Variants in POLE observed in about 807,000 individuals in gnomAD.
The protein encoded by POLE is DNA polymerase epsilon, catalytic subunit, also known as DNA polymerase epsilon catalytic subunit A.
POLE carries 188 observed loss-of-function variants against 279.2 expected under a neutral mutation model. The ratio of observed to expected loss-of-function variants is 0.67; its 90% CI spans 0.60 to 0.76. The LOEUF (loss-of-function observed/expected upper bound fraction) is 0.76, where lower values mean the gene tolerates loss of function less well. Ranked by LOEUF, POLE falls within the 30% of genes least tolerant of loss-of-function variation. The pLI is 0.00. For synonymous variants in POLE, 1,214 were observed against 1,172.5 expected (o/e 1.04, Z -0.72); for missense variants, 2,703 against 3,016.7 (o/e 0.90, Z 2.44).
intron 1 of POLE, among the ~76,000 whole-genome samples, 158 bp from the exon 2 acceptor site, chr12:132,681,437 G>A (rs2043167027): frequency 1.3e-5 from 2 of 151,186 alleles, no homozygotes; most frequent in Admixed American, 6.6e-5. Flanking sequence ...TCCGCCTCCC[G>A]GGTTCACGCC....
Position 132,673,182 on chromosome 12 carries a change from A to C in POLE, c.1455T>G (p.Ile485Met), listed in dbSNP as rs878854843. 1 of 1,608,702 alleles carries C rather than the reference A, an allele frequency of 6.2e-7. No homozygotes were observed. Among genetic ancestry groups the C allele is most frequent in the Non-Finnish European group, 8.5e-7 (1 of 1,175,002 alleles). Residue 485 changes from isoleucine to methionine, a missense_variant, in exon 14 of 49, where the codon ATT becomes ATG. By Grantham distance (10) the Ile-to-Met change is conservative. Transcript: ENST00000320574. The stretch of plus-strand genomic sequence containing the variant: ...TGCTCACCTCGTCGGGCTCCATGGG[A>C]ATAATGGTGCACAGAGCAAAGATGA... Reference protein sequence around the residue: ...HPFIFALCTIIPMEPDEVLRK... With the variant: ...HPFIFALCTIMPMEPDEVLRK...
intron 29 of POLE, among the ~76,000 whole-genome samples, chr12:132,652,314 CTTT>C (rs11449205): frequency 1.9e-4 from 21 of 111,164 alleles, no homozygotes; most frequent in East Asian, 1.4e-3. Context: ...TTGTAGTTTC[CTTT>C]TTTTTTTTTT....
chr12:132,642,578 T>G lies in POLE; in HGVS notation c.4880A>C (p.His1627Pro), dbSNP rs1274894982. Residue 1627 changes from histidine to proline, a missense_variant, in exon 37 of 49, where the codon CAT becomes CCT. By Grantham distance (77) the His-to-Pro change is moderately conservative. Transcript: ENST00000320574. ...INYGVLDWQR[H>P]GARRMIRHYL... ...GTGACGGATCATGCGCCGGGCTCCA[T>G]GGCGCTGCCAGTCCAGGACCCCATA... The G allele has an allele frequency of 6.2e-7, 1 of 1,613,500 alleles. No individual in the cohort carries two copies. The highest frequency in any genetic ancestry group is 1.3e-5 in the African/African-American group (1 of 75,028).
At position 132,634,290 on chromosome 12, in the gene POLE, G is replaced by C. The variant is rs201273415; in HGVS notation, c.5900C>G (p.Ala1967Gly). 1 of 1,614,082 alleles carries C rather than the reference G, an allele frequency of 6.2e-7. No homozygotes were observed. Among genetic ancestry groups the C allele is most frequent in the Non-Finnish European group, 8.5e-7 (1 of 1,179,946 alleles). Residue 1967 changes from alanine to glycine, a missense_variant, in exon 43 of 49, where the codon GCG becomes GGG. Ala to Gly is a moderately conservative substitution (Grantham distance 60, BLOSUM62 0). This residue lies in a region of POLE where 1,551 missense variants were observed against 1,686.1 expected (regional missense o/e 0.92). Transcript: ENST00000320574. The surrounding 1 kb of genome is among the most constrained non-coding windows in gnomAD (Gnocchi z 4.0). ...TAAATCCTCCACGTTGGATTCCTCC[G>C]CCTCTTCCTCCTCCTCCCCATCTCT... The part of the protein sequence containing the change: ...EERDGEEEEE[A>G]EESNVEDLLE...
chr12:132,642,101 A>G (rs1593728966), intron 38 of POLE, 76 bp downstream of exon 38: 4 of 1,290,422 alleles, frequency 3.1e-6, no homozygotes, highest in East Asian at 4.7e-5. Context: ...CCTCGGCACT[A>G]TTGCCTTGAG....
intron 16 of POLE, among the ~76,000 whole-genome samples, chr12:132,669,792 G>A (rs146427958): frequency 7.6e-4 from 115 of 152,312 alleles, no homozygotes; most frequent in African/African-American, 2.4e-3. Context: ...ACGTGGCTGT[G>A]AGCCCCTGCT....
At chr12:132,679,912 C>A in intron 5 of POLE, 42 bp downstream of exon 5, 1 of 1,402,800 alleles carries the variant, frequency 7.1e-7, no homozygotes, top group Admixed American at 1.8e-5. Flanking sequence ...ACAATGTAGA[C>A]TCTGGCCTCA....
chr12:132,685,249 A>C (rs1049926737), intron 1 of POLE, among the ~76,000 whole-genome samples: 1 of 151,368 alleles, frequency 6.6e-6, no homozygotes, highest in Non-Finnish European at 1.5e-5. Flanking sequence ...AGTACTACAC[A>C]CAGGCTCTCA....
chr12:132,679,429 T>C (rs992175378), intron 6 of POLE, 68 bp downstream of exon 6: 1 of 1,477,094 alleles, frequency 6.8e-7, no homozygotes. Context: ...TGTTGCTACG[T>C]GTTCCTGTCT....
chr12:132,625,951 G>A (rs1448540777), intron 46 of POLE, 166 bp downstream of exon 46: 21 of 1,102,708 alleles, frequency 1.9e-5, no homozygotes, highest in Middle Eastern at 3.0e-4. Context: ...ACAACATTCC[G>A]AACATGGTGT....
At chr12:132,630,044 A>G (rs138281555) in intron 45 of POLE, among the ~76,000 whole-genome samples, 1 of 152,214 alleles carries the variant, frequency 6.6e-6, no homozygotes, top group African/African-American at 2.4e-5. Flanking sequence ...GAGTGGAGCA[A>G]TCAGGACACA....
At chr12:132,658,235 T>A in intron 26 of POLE, 1 of 408,026 alleles carries the variant, frequency 2.5e-6, no homozygotes, top group South Asian at 2.5e-5. Context: ...TGCATATACA[T>A]AAACACATGC....
At chr12:132,652,071 T>C (rs1436008059) in intron 29 of POLE, among the ~76,000 whole-genome samples, 2 of 152,240 alleles carry the variant, frequency 1.3e-5, no homozygotes, top group Non-Finnish European at 2.9e-5. Flanking sequence ...TTTGTGTGTG[T>C]TGACTTCCTA....
At chr12:132,637,912 G>T (rs759240030) in intron 41 of POLE, 102 bp downstream of exon 41, 3 of 1,361,968 alleles carry the variant, frequency 2.2e-6, no homozygotes, top group African/African-American at 1.4e-5. Flanking sequence ...CACTTCTAAC[G>T]ACCTCCCAGC....
intron 25 of POLE, chr12:132,660,762 C>T (rs117807098): frequency 5.2e-5 from 21 of 407,232 alleles, no homozygotes; most frequent in East Asian, 4.0e-4. Context: ...TTTAGAAAAA[C>T]GTTTCCCTCA....
rs1593773171 is a variant in POLE at position 132,659,599 on chromosome 12, C to T, written c.3061-90G>A. ...CTGTGCTCCTCTAGGCCATGCCCTT[C>T]TCTAGCCTGAGACGCAGAAGGCTGC... On this transcript the variant is annotated intron_variant, in intron 25 of 48. Transcript: ENST00000320574. The T allele has an allele frequency of 6.4e-6, 7 of 1,096,492 alleles. No homozygotes were observed. The East Asian group carries it at 1.2e-4, about 19-fold the overall frequency. The allele number at this position is 1,096,492 out of a possible 1,614,324, so 67.9% of individuals were successfully genotyped here. A position where few individuals can be genotyped will look rare whatever the true frequency, so the allele number is the denominator to read the frequency against.
At position 132,669,055 on chromosome 12, in the gene POLE, C is replaced by G; in HGVS notation, c.1795-116G>C. The G allele has an allele frequency of 2.2e-6, 2 of 916,342 alleles. 1 individual carries two copies. Among genetic ancestry groups the G allele is most frequent in the East Asian group, 5.6e-5 (2 of 35,538 alleles). The allele number at this position is 916,342 out of a possible 1,614,324, so 56.8% of individuals were successfully genotyped here. On this transcript the variant is annotated intron_variant, in intron 16 of 48. Coordinates refer to ENST00000320574, the MANE Select transcript of POLE (RefSeq NM_006231.4). The stretch of plus-strand genomic sequence containing the variant: ...AAAGCTGAAAAATATATAAATAGAG[C>G]AAAAACTAGCCAGAAGAAAAAAGTT...
At chr12:132,682,334 AT>A (rs2043188749) in intron 1 of POLE, among the ~76,000 whole-genome samples, 1 of 143,348 alleles carries the variant, frequency 7.0e-6, no homozygotes, top group Admixed American at 7.0e-5. Context: ...AAATAAATAA[AT>A]TAGCTGGGTG....
Position 132,624,946 on chromosome 12 carries a change from AGTACACAGGCATGCTGGTCTCCTT to A in POLE, c.6682_6705del (p.Lys2228_Tyr2235del). The stretch of plus-strand genomic sequence containing the variant: ...AGGGCGAAGTCTCCCGCGCAGCTGC[AGTACACAGGCATGCTGGTCTCCTT>A]CACCCCGCGGCACTTCAGGCAGACC... On this transcript the variant is annotated inframe_deletion, in exon 48 of 49. Transcript: ENST00000320574. 6.2e-7 allele frequency: 1 copy of A among 1,614,088 alleles called. No homozygotes were observed. Among genetic ancestry groups the A allele is most frequent in the Non-Finnish European group, 8.5e-7 (1 of 1,180,012 alleles).
Sources: gnomAD v4.1 joint callset for allele counts (sites outside exome capture counted in the v4.1 genomes callset) on GRCh38, gnomAD v4.1.1 for gene constraint, gnomAD v4.1.1 regional missense constraint, Gnocchi (gnomAD v3.1) non-coding constraint, MANE v1.5 for transcripts, NCBI Gene and HGNC (gene_info 2026-07-23, HGNC 2026-07-21) for gene names.